Variants in ARMC2 observed in about 807,000 individuals in gnomAD.
ARMC2 encodes armadillo repeat-containing protein 2.
A neutral mutation model predicts 90.3 loss-of-function variants in ARMC2; 67 were observed. The observed-to-expected ratio is 0.74, with a 90% CI of 0.61 to 0.91. ARMC2 has a LOEUF of 0.91. Among genes scored for constraint, ARMC2 ranks in the 40% least tolerant of loss-of-function variants. ARMC2 has a pLI of 0.00. For synonymous variants in ARMC2, 393 were observed against 393.0 expected, an observed-to-expected ratio of 1.00 and a Z score of 0.00; for missense variants, 920 against 1,030.9, an observed-to-expected ratio of 0.89 and a Z score of 1.47.
chr6:108,983,627 A>G, the ARMC2 span, among the ~76,000 whole-genome samples: 1 of 152,124 alleles, frequency 6.6e-6, no homozygotes, highest in Non-Finnish European at 1.5e-5. Flanking sequence ...CCAGTTCCAC[A>G]TTATTTTGAT....
chr6:108,998,163 C>G, the ARMC2 span, among the ~76,000 whole-genome samples: 1 of 152,178 alleles, frequency 6.6e-6, no homozygotes, highest in Admixed American at 6.5e-5. Flanking sequence ...TCTCCACCAC[C>G]AGGCCACACT....
chr6:109,001,392 C>G, the ARMC2 span: 1 of 1,613,732 alleles, frequency 6.2e-7, no homozygotes, highest in Non-Finnish European at 8.5e-7. Flanking sequence ...GGGTGGAAAA[C>G]CATCACTAAC....
At position 108,973,374 on chromosome 6, in the gene ARMC2, G is replaced by T; in HGVS notation, c.2464G>T (p.Asp822Tyr). ...TAATACAGATGAAGAACTAGCACTG[G>T]ATGGCAGTTTTGATCCAGACCTAAA... ...SSFLDEELAL[D>Y]GSFDPDLKNY... Residue 822 changes from aspartate (D) to tyrosine (Y), a missense_variant, in exon 18 of 18, where the codon GAT (aspartate) becomes TAT (tyrosine). Transcript: ENST00000392644. 3 of 1,613,106 alleles carry T rather than the reference G, an allele frequency of 1.9e-6. No individual in the cohort carries two copies. The highest frequency in any genetic ancestry group is 2.5e-6 in the Non-Finnish European group (3 of 1,179,344).
In ARMC2 at chr6:108,894,475, G is replaced by A; in HGVS notation, c.680G>A (p.Gly227Glu). 2.5e-6 allele frequency: 4 copies of A among 1,609,682 alleles called. No individual in the cohort carries two copies. In the South Asian group the frequency reaches 3.3e-5, roughly 13 times the overall value. ...TTATGTATTCCTCCTAGGGACCAGG[G>A]GAAGAGACATGCGAGGGCCTCATCA... is the stretch of plus-strand genomic sequence containing the variant. ...PSHLKNGGDQ[G>E]KRHARASSCP... Residue 227 changes from glycine (G) to glutamate (E), a missense_variant, in exon 6 of 18, where the codon GGG becomes GAG. Gly to Glu is a moderately conservative substitution (Grantham distance 98). Coordinates refer to ENST00000392644, the MANE Select transcript of ARMC2 (RefSeq NM_032131.6).
At chr6:108,853,797 G>A (rs895236033) in intron 1 of ARMC2, among the ~76,000 whole-genome samples, 1 of 152,174 alleles carries the variant, frequency 6.6e-6, no homozygotes, top group Non-Finnish European at 1.5e-5. Context: ...AAAATCAAGT[G>A]TCCTTTAGAA....
chr6:109,015,800 G>A, the ARMC2 span, among the ~76,000 whole-genome samples: 1 of 152,158 alleles, frequency 6.6e-6, no homozygotes, highest in Admixed American at 6.5e-5. Flanking sequence ...ATATATGCAA[G>A]TAGAAAATAT....
At chr6:108,907,962 A>G in intron 8 of ARMC2, 1 of 1,112,686 alleles carries the variant, frequency 9.0e-7, no homozygotes, top group Non-Finnish European at 1.3e-6. Flanking sequence ...TAAATACCTA[A>G]TCATTAAACA....
At chr6:108,916,554 T>A (rs1469543207) in intron 10 of ARMC2, among the ~76,000 whole-genome samples, 3 of 152,190 alleles carry the variant, frequency 2.0e-5, no homozygotes, top group Admixed American at 2.0e-4. Context: ...ACTGTGCATG[T>A]TCACTGAACT....
chr6:108,956,598 G>A (rs1489640056), intron 13 of ARMC2, among the ~76,000 whole-genome samples: 2 of 152,052 alleles, frequency 1.3e-5, no homozygotes, highest in Non-Finnish European at 2.9e-5. Context: ...CTACTCAGGA[G>A]GCTGAGGTGG....
At chr6:108,898,819 G>T (rs1203001383) in intron 6 of ARMC2, among the ~76,000 whole-genome samples, 1 of 152,048 alleles carries the variant, frequency 6.6e-6, no homozygotes, top group African/African-American at 2.4e-5. Context: ...TGAAATGGAG[G>T]CCTCCTGCAT....
At chr6:108,938,091 C>T (rs1214937200) in intron 12 of ARMC2, among the ~76,000 whole-genome samples, 1 of 152,160 alleles carries the variant, frequency 6.6e-6, no homozygotes, top group African/African-American at 2.4e-5. Context: ...GTGACATCAA[C>T]TTAGTGAGAT....
chr6:108,970,205 T>C (rs1778668302), intron 17 of ARMC2, among the ~76,000 whole-genome samples: 1 of 152,224 alleles, frequency 6.6e-6, no homozygotes, highest in Non-Finnish European at 1.5e-5. Context: ...TGTAGCTGTT[T>C]GGCTATTCTT....
intron 12 of ARMC2, among the ~76,000 whole-genome samples, chr6:108,937,991 C>T (rs772640153): frequency 1.4e-4 from 21 of 152,326 alleles, no homozygotes; most frequent in Non-Finnish European, 2.8e-4. Context: ...TGAGCCACTG[C>T]ACCCGGCCAC....
chr6:108,868,926 A>G lies in ARMC2; in HGVS notation c.394A>G (p.Arg132Gly). 2 of 1,613,980 alleles carry G rather than the reference A, an allele frequency of 1.2e-6. No individual in the cohort carries two copies. Among genetic ancestry groups the G allele is most frequent in the South Asian group, 1.1e-5 (1 of 91,070 alleles). Residue 132 changes from arginine (R) to glycine (G), a missense_variant, in exon 4 of 18, where the codon AGG (arginine) becomes GGG (glycine). Coordinates refer to ENST00000392644, the MANE Select transcript of ARMC2 (RefSeq NM_032131.6). ...PAKIRRVSNARARLFRAASQR... is the reference protein window; with the variant it reads ...PAKIRRVSNAGARLFRAASQR... ...GAAGATTAGAAGAGTAAGCAACGCC[A>G]GGGCTCGCTTATTCAGGGCTGCCTC...
chr6:108,922,438 C>G (rs1328264369), intron 10 of ARMC2, among the ~76,000 whole-genome samples: 1 of 152,036 alleles, frequency 6.6e-6, no homozygotes, highest in African/African-American at 2.4e-5. Context: ...GGGCCCAGCC[C>G]CATATTTTAA....
chr6:108,935,002 T>A (rs1264787424), intron 11 of ARMC2, among the ~76,000 whole-genome samples: 1 of 152,154 alleles, frequency 6.6e-6, no homozygotes. Context: ...ATGAGGAAAC[T>A]GAGACATAGA....
Position 108,973,557 on chromosome 6 carries a change from T to A in ARMC2, c.*43T>A. The A allele has an allele frequency of 1.3e-6, 2 of 1,523,704 alleles. No homozygotes were observed. Among genetic ancestry groups the A allele is most frequent in the Non-Finnish European group, 1.8e-6 (2 of 1,125,736 alleles). The allele number at this position is 1,523,704 out of a possible 1,614,324, so 94.4% of individuals were successfully genotyped here. A position where few individuals can be genotyped will look rare whatever the true frequency, so the allele number is the denominator to read the frequency against. On this transcript the variant is annotated 3_prime_UTR_variant, in exon 18 of 18. Transcript: ENST00000392644. ...GTAGAAACGAGAACTCACGTCTCCCTCATTCTTAAGAACTGGTAACAAACG... is the reference window on the plus strand; with the variant it reads ...GTAGAAACGAGAACTCACGTCTCCCACATTCTTAAGAACTGGTAACAAACG...
chr6:109,050,440 A>G, the ARMC2 span, among the ~76,000 whole-genome samples: 1 of 152,082 alleles, frequency 6.6e-6, no homozygotes, highest in Non-Finnish European at 1.5e-5. Context: ...TAGACTTTCC[A>G]TCTTGCAAAG....
the ARMC2 span, among the ~76,000 whole-genome samples, chr6:109,016,296 T>G: frequency 5.9e-5 from 9 of 152,338 alleles, no homozygotes. Flanking sequence ...TCCCTATCCA[T>G]GCCTCCCCAC....
Sources: allele counts gnomAD v4.1 joint callset (sites outside exome capture counted in the v4.1 genomes callset), GRCh38; gene constraint gnomAD v4.1.1; transcripts MANE v1.5; gene names NCBI Gene and HGNC (gene_info 2026-07-23, HGNC 2026-07-21).